Variants in OLFM1 observed in about 807,000 individuals in gnomAD.
OLFM1 encodes olfactomedin 1, also known as noelin.
Under a neutral mutation model 49.7 loss-of-function variants are expected in OLFM1, and 9 were observed. The observed-to-expected ratio is 0.18, with a 90% CI of 0.11 to 0.32. The LOEUF (loss-of-function observed/expected upper bound fraction) is 0.32. Ranked by LOEUF, OLFM1 falls within the 10% of genes least tolerant of loss-of-function variation. OLFM1 has a pLI of 1.00. For synonymous variants in OLFM1, 240 were observed against 271.8 expected (o/e 0.88, Z 1.15); for missense variants, 369 against 661.8 (o/e 0.56, Z 4.85).
At chr9:135,090,490 C>G in intron 2 of OLFM1, 146 bp downstream of exon 2, 2 of 812,710 alleles carry the variant, frequency 2.5e-6, no homozygotes, top group Non-Finnish European at 3.8e-6. Flanking sequence ...TGTCTCCACT[C>G]AAAATATTTG....
chr9:135,085,145 G>A (rs1327648768), upstream of OLFM1, among the ~76,000 whole-genome samples: 2 of 152,176 alleles, frequency 1.3e-5, no homozygotes, highest in Non-Finnish European at 2.9e-5. Context: ...ATAGAGACGT[G>A]GCTGTTCTAA....
upstream of OLFM1, chr9:135,087,181 C>T: frequency 7.3e-7 from 1 of 1,374,128 alleles, no homozygotes; most frequent in Non-Finnish European, 9.4e-7. Flanking sequence ...CGCTGGAGGC[C>T]CTCGCGAGTC....
At position 135,088,364 on chromosome 9, in the gene OLFM1, C is replaced by T. The variant is rs994222445; in HGVS notation, c.150+225C>T. 6.6e-6 allele frequency among the ~76,000 whole-genome samples: 1 copy of T among 151,760 alleles called. No individual in the cohort carries two copies. The highest frequency in any genetic ancestry group is 1.5e-5 in the Non-Finnish European group (1 of 67,884). ...GCCACTCCATCTCCGCCCGCGCGCC[C>T]CTGGGGCGGCGTTTCCTTCGTCTGG... is the stretch of plus-strand genomic sequence containing the variant. On this transcript the variant is annotated intron_variant, in intron 1 of 5. Transcript: ENST00000371793. This position sits in a 1 kb window ranked among gnomAD's most constrained non-coding sequence, Gnocchi z 4.8.
intron 1 of OLFM1, among the ~76,000 whole-genome samples, chr9:135,081,659 C>T (rs9696604): frequency 0.13 from 19,252 of 152,186 alleles, 1,329 homozygotes; most frequent in Middle Eastern, 0.21. Context: ...TCAGCATGTG[C>T]ATGACAACTT....
Position 135,101,375 on chromosome 9 carries a change from C to T in OLFM1, c.676+2870C>T, listed in dbSNP as rs911351497. ...CTGCAGTAAGCCTGGAGGAGAGGCT[C>T]TCCCAAAGTCTTCCTGATAGTTCTC... On this transcript the variant is annotated intron_variant, in intron 4 of 5. Coordinates refer to ENST00000371793, the MANE Select transcript of OLFM1 (RefSeq NM_001282611.2). Among the ~76,000 whole-genome samples the T allele has an allele frequency of 3.3e-5, 5 of 152,320 alleles. No individual in the cohort carries two copies. The East Asian group carries it at 7.7e-4, about 24-fold the overall frequency.
chr9:135,116,439 G>T (rs1046635494), intron 5 of OLFM1, among the ~76,000 whole-genome samples: 1 of 152,148 alleles, frequency 6.6e-6, no homozygotes, highest in Non-Finnish European at 1.5e-5. Context: ...AAGAGAAGGT[G>T]ATTTAAAAAT....
In OLFM1 at chr9:135,087,966, G is replaced by A. The variant is rs756887857; in HGVS notation, c.-24G>A. ...GGGAGCCGGTGCCAGCTCGGAGCGG[G>A]CGCTGGAGGCAGCTCGAGGCGCGAT... is the stretch of plus-strand genomic sequence containing the variant. On this transcript the variant is annotated 5_prime_UTR_variant, in exon 1 of 6. Transcript: ENST00000371793. 10 of 1,423,060 alleles carry A rather than the reference G, an allele frequency of 7.0e-6. No individual in the cohort carries two copies. In the East Asian group the frequency reaches 2.2e-4, roughly 31 times the overall value. The allele number at this position is 1,423,060 out of a possible 1,614,324, so 88.2% of individuals were successfully genotyped here.
Position 135,098,351 on chromosome 9 carries a change from T to C in OLFM1, c.522T>C (p.Asp174=). ...CTGTGTTGGAAGAGTACAAGGCCGA[T>C]GCCAAATTGGTATTGCAGTTTAAAG... The part of the protein sequence containing the change: ...LIPVLEEYKA[D]AKLVLQFKEE... The change falls in exon 4 of 6, where the codon GAT becomes GAC. Residue 174 remains aspartate, a synonymous_variant. Coordinates refer to ENST00000371793, the MANE Select transcript of OLFM1 (RefSeq NM_001282611.2). The surrounding 1 kb of genome is among the most constrained non-coding windows in gnomAD (Gnocchi z 5.6). 6.2e-7 allele frequency: 1 copy of C among 1,613,964 alleles called. No individual in the cohort carries two copies. Among genetic ancestry groups the C allele is most frequent in the South Asian group, 1.1e-5 (1 of 91,086 alleles).
rs577229871 is a variant in OLFM1, at chr9:135,080,622, A to T, written c.96+4820A>T. On this transcript the variant is annotated intron_variant, in intron 1 of 5. Transcript: ENST00000252854. The surrounding 1 kb of genome is among the most constrained non-coding windows in gnomAD (Gnocchi z 4.5). ...TTTGCTTCTCATTCCACTGACTTCA[A>T]CCTTCCCCAATCAGAAGAAAGGTAA... is the stretch of plus-strand genomic sequence containing the variant. 6.6e-6 allele frequency among the ~76,000 whole-genome samples: 1 copy of T among 152,196 alleles called. No individual in the cohort carries two copies. Among genetic ancestry groups the T allele is most frequent in the South Asian group, 2.1e-4 (1 of 4,820 alleles).
At position 135,120,039 on chromosome 9, in the gene OLFM1, TCCC is replaced by T; in HGVS notation, c.1320_1322del (p.Pro441del). On this transcript the variant is annotated inframe_deletion, in exon 6 of 6. Transcript: ENST00000371793. ...GCCTCCACCTATGAATACATCGACA[TCCC>T]ATTCCAGAACAAATACTCCCACATC... The T allele has an allele frequency of 6.2e-7, 1 of 1,613,928 alleles. No individual in the cohort carries two copies.
chr9:135,111,317 G>A (rs373916150), intron 5 of OLFM1, among the ~76,000 whole-genome samples: 9 of 152,344 alleles, frequency 5.9e-5, no homozygotes, highest in Non-Finnish European at 1.2e-4. Context: ...CAGGAACTTG[G>A]GGCCTTCCAG....
At chr9:135,097,508 ATC>A (rs1381011163) in intron 3 of OLFM1, among the ~76,000 whole-genome samples, 1 of 152,196 alleles carries the variant, frequency 6.6e-6, no homozygotes, top group Admixed American at 6.5e-5. Flanking sequence ...TGACACAGGC[ATC>A]TCTCCGAGTT....
intron 2 of OLFM1, among the ~76,000 whole-genome samples, chr9:135,091,542 CATAG>C (rs1830689047): frequency 7.4e-6 from 1 of 135,060 alleles, no homozygotes; most frequent in African/African-American, 3.0e-5. Context: ...GTCACACTCA[CATAG>C]TCACACACTC....
At chr9:135,086,522 G>A, upstream of OLFM1, 1 of 423,826 alleles carries the variant, frequency 2.4e-6, no homozygotes, top group South Asian at 1.7e-5. Context: ...ATCCAGGAAG[G>A]GAGATTAATT....
intron 4 of OLFM1, among the ~76,000 whole-genome samples, chr9:135,103,024 C>T (rs965969517): frequency 1.8e-4 from 28 of 152,234 alleles, no homozygotes; most frequent in Non-Finnish European, 3.5e-4. Flanking sequence ...AGGCTCCCGG[C>T]CTTGCACAGC....
chr9:135,083,719 G>A (rs1830560569), upstream of OLFM1, among the ~76,000 whole-genome samples: 1 of 152,234 alleles, frequency 6.6e-6, no homozygotes, highest in Non-Finnish European at 1.5e-5. Flanking sequence ...AGGCTGCCTG[G>A]GGGCACCTCT....
chr9:135,106,789 C>T lies in OLFM1; in HGVS notation c.717C>T (p.Val239=), dbSNP rs78249091. ...CGGGCATCAGTGACCCCGTGACTGTCAAGACCTCCGGCTCGAGGTTCGGAT... is the reference window on the plus strand; with the variant it reads ...CGGGCATCAGTGACCCCGTGACTGTTAAGACCTCCGGCTCGAGGTTCGGAT... ...KLTGISDPVT[V]KTSGSRFGSW... The change falls in exon 5 of 6, where the codon GTC becomes GTT. Residue 239 remains valine (V), a synonymous_variant. Coordinates refer to ENST00000371793, the MANE Select transcript of OLFM1 (RefSeq NM_001282611.2). 6,537 of 1,613,690 alleles carry T rather than the reference C, an allele frequency of 4.1e-3. 172 individuals carry two copies. In the African/African-American group the frequency reaches 0.07, roughly 17 times the overall value.
At position 135,121,040 on chromosome 9, in the gene OLFM1, G is replaced by A. The variant is rs16781; in HGVS notation, c.*862G>A. 0.18 allele frequency: 28,043 copies of A among 152,354 alleles called. 3,278 individuals are homozygous for A. Among genetic ancestry groups the A allele is most frequent in the Non-Finnish European group, 0.28 (18,929 of 67,976 alleles). 9.4% of individuals were successfully genotyped at this position (152,354 alleles called of 1,614,324 possible). Reference sequence around the variant, plus strand: ...ATGTAACCGCAGATAGGAAGGGCTCGCCTGGGGAAACTCTGGTTTCCGATG... The same window carrying A: ...ATGTAACCGCAGATAGGAAGGGCTCACCTGGGGAAACTCTGGTTTCCGATG... On this transcript the variant is annotated 3_prime_UTR_variant, in exon 6 of 6. Transcript: ENST00000371793.
chr9:135,091,121 C>G (rs1830679652), intron 2 of OLFM1, among the ~76,000 whole-genome samples: 2 of 152,218 alleles, frequency 1.3e-5, no homozygotes, highest in African/African-American at 4.8e-5. Flanking sequence ...GGCACTCGGA[C>G]CCACATGGCC....
Sources: allele counts gnomAD v4.1 joint callset (sites outside exome capture counted in the v4.1 genomes callset), GRCh38; gene constraint gnomAD v4.1.1; non-coding constraint Gnocchi (gnomAD v3.1); transcripts MANE v1.5; gene names NCBI Gene and HGNC (gene_info 2026-07-23, HGNC 2026-07-21).